The following TOGARAM1 variants were observed in gnomAD, a reference collection of about 807,000 sequenced individuals.
TOGARAM1 encodes TOG array regulator of axonemal microtubules protein 1.
TOGARAM1 carries 100 observed loss-of-function variants against 166.6 expected under a neutral mutation model. That is an observed-to-expected ratio of 0.60 (90% CI 0.51 to 0.71). TOGARAM1 has a LOEUF of 0.71. Ranked by LOEUF, TOGARAM1 falls within the 30% of genes least tolerant of loss-of-function variation. The pLI is 0.00. For synonymous variants in TOGARAM1, 758 were observed against 763.8 expected (o/e 0.99, Z 0.13); for missense variants, 2,029 against 2,102.7 (o/e 0.96, Z 0.69).
At chr14:45,056,201 C>T (rs976288336) in intron 16 of TOGARAM1, among the ~76,000 whole-genome samples, 1 of 151,962 alleles carries the variant, frequency 6.6e-6, no homozygotes, top group Non-Finnish European at 1.5e-5. Flanking sequence ...TATAGAAATG[C>T]TATTGATTTT....
rs374297786 is a variant in TOGARAM1 at position 45,073,223 on chromosome 14, T to C, written c.5057-73T>C. On this transcript the variant is annotated intron_variant, in intron 19 of 19. Coordinates refer to ENST00000361462, the MANE Select transcript of TOGARAM1 (RefSeq NM_001308120.2). ...AAGGAAGAAGCTTAGTATATTTTAGTTGCTTTTTATTTAGCAGAGCTTGGG... is the reference window on the plus strand; with the variant it reads ...AAGGAAGAAGCTTAGTATATTTTAGCTGCTTTTTATTTAGCAGAGCTTGGG... The C allele has an allele frequency of 4.3e-6, 6 of 1,399,970 alleles. No individual in the cohort carries two copies. In the African/African-American group the frequency reaches 7.2e-5, roughly 17 times the overall value. 86.7% of individuals were successfully genotyped at this position (1,399,970 alleles called of 1,614,324 possible).
intron 16 of TOGARAM1, 40 bp downstream of exon 16, chr14:45,054,589 C>T: frequency 7.4e-7 from 1 of 1,358,780 alleles, no homozygotes; most frequent in East Asian, 2.4e-5. Context: ...AAATTACTCC[C>T]TTGTGATAGT....
chr14:45,058,451 T>C (rs1363035300), intron 16 of TOGARAM1, among the ~76,000 whole-genome samples: 4 of 152,070 alleles, frequency 2.6e-5, no homozygotes, highest in Non-Finnish European at 4.4e-5. Flanking sequence ...CACACCATCA[T>C]GCCCGGCTAA....
At chr14:45,072,511 C>T (rs1444743964) in intron 19 of TOGARAM1, among the ~76,000 whole-genome samples, 5 of 151,998 alleles carry the variant, frequency 3.3e-5, no homozygotes. Flanking sequence ...ATTGCAACCT[C>T]CGCCTCCTGG....
chr14:45,020,463 A>C (rs1880433075), intron 7 of TOGARAM1, among the ~76,000 whole-genome samples: 1 of 152,182 alleles, frequency 6.6e-6, no homozygotes, highest in African/African-American at 2.4e-5. Context: ...TTGTAGTAGA[A>C]CTGAGTAGAG....
At chr14:44,964,951 T>TAAAA (rs35780816) in intron 1 of TOGARAM1, among the ~76,000 whole-genome samples, 9 of 85,874 alleles carry the variant, frequency 1.0e-4, no homozygotes, top group South Asian at 4.9e-4. Context: ...ACTAGAAAAG[T>TAAAA]AAAAAAAAAA....
intron 14 of TOGARAM1, among the ~76,000 whole-genome samples, chr14:45,048,277 C>T (rs1882182267): frequency 7.7e-6 from 1 of 130,300 alleles, no homozygotes; most frequent in Non-Finnish European, 1.5e-5. Context: ...TCTTCAGCCA[C>T]TGCACTCCAG....
chr14:45,032,420 G>A, intron 11 of TOGARAM1, 44 bp downstream of exon 11: 1 of 1,516,016 alleles, frequency 6.6e-7, no homozygotes, highest in Non-Finnish European at 8.9e-7. Context: ...GAGTTCAAAA[G>A]CTTTCTGTAA....
intron 7 of TOGARAM1, among the ~76,000 whole-genome samples, chr14:45,015,404 G>C (rs1184733031): frequency 6.6e-6 from 1 of 151,224 alleles, no homozygotes; most frequent in Non-Finnish European, 1.5e-5. Flanking sequence ...TACATTGGAA[G>C]TATATATAAA....
At chr14:45,031,261 A>G (rs572273532) in intron 10 of TOGARAM1, among the ~76,000 whole-genome samples, 6 of 152,260 alleles carry the variant, frequency 3.9e-5, no homozygotes, top group Non-Finnish European at 7.4e-5. Flanking sequence ...AGCCCATTCT[A>G]TTTGACCCTT....
chr14:45,004,022 G>A, intron 3 of TOGARAM1, 39 bp from the exon 4 acceptor site: 1 of 1,531,124 alleles, frequency 6.5e-7, no homozygotes, highest in Non-Finnish European at 8.8e-7. Context: ...GTTAAACTGT[G>A]TATACATAAA....
At chr14:45,006,346 G>C in intron 5 of TOGARAM1, 79 bp downstream of exon 5, 1 of 1,041,054 alleles carries the variant, frequency 9.6e-7, no homozygotes, top group Non-Finnish European at 1.4e-6. Context: ...GAAAAATCAA[G>C]TTCTTTTTAT....
intron 1 of TOGARAM1, among the ~76,000 whole-genome samples, chr14:44,968,381 T>C (rs1464200573): frequency 6.6e-6 from 1 of 152,152 alleles, no homozygotes; most frequent in Admixed American, 6.5e-5. Flanking sequence ...TGCCTCAGCC[T>C]TCCGAGTAGC....
intron 11 of TOGARAM1, among the ~76,000 whole-genome samples, chr14:45,036,241 A>C (rs1328706634): frequency 2.6e-5 from 4 of 151,912 alleles, no homozygotes. Flanking sequence ...CAAGGCAACA[A>C]AGGAGATAAA....
intron 16 of TOGARAM1, among the ~76,000 whole-genome samples, chr14:45,063,552 T>C (rs1474024320): frequency 1.3e-5 from 2 of 148,738 alleles, no homozygotes; most frequent in African/African-American, 5.0e-5. Flanking sequence ...TGGCGTGATC[T>C]CACTGCAACC....
At chr14:45,038,006 A>C (rs1881522385) in intron 11 of TOGARAM1, among the ~76,000 whole-genome samples, 1 of 152,092 alleles carries the variant, frequency 6.6e-6, no homozygotes, top group Admixed American at 6.6e-5. Flanking sequence ...TGACAGAGCG[A>C]GACTCCATCT....
intron 11 of TOGARAM1, among the ~76,000 whole-genome samples, chr14:45,034,029 C>T (rs10130162): frequency 0.046 from 7,023 of 152,008 alleles, 531 homozygotes; most frequent in African/African-American, 0.16. Context: ...TGGTGGCACA[C>T]GTCTGTAGTA....
intron 19 of TOGARAM1, among the ~76,000 whole-genome samples, chr14:45,072,096 G>A (rs1883410750): frequency 6.6e-6 from 1 of 152,166 alleles, no homozygotes; most frequent in African/African-American, 2.4e-5. Flanking sequence ...AGGTGCAGTG[G>A]AAGGAAAGTG....
chr14:44,963,912 C>T lies in TOGARAM1; in HGVS notation c.1491C>T (p.Ser497=), dbSNP rs199500373. 1 of 1,613,726 alleles carries T rather than the reference C, an allele frequency of 6.2e-7. No individual in the cohort carries two copies. The highest frequency in any genetic ancestry group is 8.5e-7 in the Non-Finnish European group (1 of 1,179,640). Residue 497 remains serine, a synonymous_variant, in exon 1 of 20, where the codon TCC becomes TCT. Coordinates refer to ENST00000361462, the MANE Select transcript of TOGARAM1 (RefSeq NM_001308120.2). ...REEVVNICIC[S]LLTYPSEDFD... ...AGGTGGTGAACATTTGCATCTGCTC[C>T]CTGCTGACCTATCCTAGTGAGGATT... is the stretch of plus-strand genomic sequence containing the variant.
Sources: gnomAD v4.1 joint callset for allele counts (sites outside exome capture counted in the v4.1 genomes callset) on GRCh38, gnomAD v4.1.1 for gene constraint, MANE v1.5 for transcripts, NCBI Gene and HGNC (gene_info 2026-07-23, HGNC 2026-07-21) for gene names.